Variants in PFKFB2 observed in about 807,000 individuals in gnomAD.
The protein encoded by PFKFB2 is 6-phosphofructo-2-kinase/fructose-2,6-bisphosphatase 2.
PFKFB2 carries 53 observed loss-of-function variants against 68.0 expected under a neutral mutation model. The ratio of observed to expected loss-of-function variants is 0.78; its 90% CI spans 0.63 to 0.98. PFKFB2 has a LOEUF of 0.98. Among genes scored for constraint, PFKFB2 ranks in the 50% least tolerant of loss-of-function variants. PFKFB2 has a pLI of 0.00. For synonymous variants in PFKFB2, 222 were observed against 227.6 expected (o/e 0.98, Z 0.22); for missense variants, 451 against 642.0 (o/e 0.70, Z 3.22).
intron 2 of PFKFB2, among the ~76,000 whole-genome samples, chr1:207,042,829 G>A (rs980750834): frequency 3.9e-5 from 6 of 152,040 alleles, no homozygotes; most frequent in African/African-American, 7.2e-5. Flanking sequence ...TGAGATTTTT[G>A]AATTGTCATT....
Position 207,077,565 on chromosome 1 carries a change from A to C in PFKFB2, c.*5194A>C. On this transcript the variant is annotated 3_prime_UTR_variant, in exon 15 of 15. Coordinates refer to ENST00000367080, the MANE Select transcript of PFKFB2 (RefSeq NM_006212.2). Reference sequence around the variant, plus strand: ...TGGGAAGGGGGATGGTGTGGGGCTGAGCACCTCTGGGTTGAATGGGAATGG... The same window carrying C: ...TGGGAAGGGGGATGGTGTGGGGCTGCGCACCTCTGGGTTGAATGGGAATGG... 1.0e-6 allele frequency: 1 copy of C among 985,808 alleles called. No homozygotes were observed. The highest frequency in any genetic ancestry group is 1.2e-6 in the Non-Finnish European group (1 of 829,932). 61.1% of individuals were successfully genotyped at this position (985,808 alleles called of 1,614,324 possible). A position where few individuals can be genotyped will look rare whatever the true frequency, so the allele number is the denominator to read the frequency against.
chr1:207,052,267 T>C, upstream of PFKFB2: 1 of 1,598,270 alleles, frequency 6.3e-7, no homozygotes, highest in Admixed American at 1.7e-5. Context: ...CAATTTTTTT[T>C]TGCTGGTGCA....
At chr1:207,062,818 G>A in intron 4 of PFKFB2, 102 bp downstream of exon 4, 1 of 1,193,842 alleles carries the variant, frequency 8.4e-7, no homozygotes. Flanking sequence ...TATCTTAAGG[G>A]GAAGTTAAAT....
Position 207,061,998 on chromosome 1 carries a change from T to C in PFKFB2, c.131T>C (p.Ile44Thr). The stretch of plus-strand genomic sequence containing the variant: ...AACTCCCCGACTCTGATCGTTATGA[T>C]TGGTTTGCCAGCCCGGGGTAAAACC... ...MTNSPTLIVM[I>T]GLPARGKTYV... Residue 44 changes from isoleucine to threonine, a missense_variant, in exon 3 of 15, where the codon ATT becomes ACT. Coordinates refer to ENST00000367080, the MANE Select transcript of PFKFB2 (RefSeq NM_006212.2). The C allele has an allele frequency of 6.2e-7, 1 of 1,614,236 alleles. No homozygotes were observed.
rs145001863 is a variant in PFKFB2 at position 207,074,514 on chromosome 1, T to A, written c.*2143T>A. 3.3e-5 allele frequency: 33 copies of A among 985,312 alleles called. No individual in the cohort carries two copies. Among genetic ancestry groups the A allele is most frequent in the Non-Finnish European group, 4.0e-5 (33 of 829,928 alleles). The allele number at this position is 985,312 out of a possible 1,614,324, so 61.0% of individuals were successfully genotyped here. A position where few individuals can be genotyped will look rare whatever the true frequency, so the allele number is the denominator to read the frequency against. On this transcript the variant is annotated 3_prime_UTR_variant, in exon 15 of 15. Coordinates refer to ENST00000367080, the MANE Select transcript of PFKFB2 (RefSeq NM_006212.2). ...GATAAAGGTTGTCATCACTGGCAAC[T>A]GACTCCTGACCCCGGGTCCTTTACT...
intron 1 of PFKFB2, among the ~76,000 whole-genome samples, chr1:207,036,959 C>G (rs1204316345): frequency 1.3e-5 from 2 of 152,120 alleles, no homozygotes; most frequent in Admixed American, 6.5e-5. Flanking sequence ...TATTATTTAC[C>G]CCACTATCTC....
At chr1:207,034,516 A>C (rs1024831596) in intron 1 of PFKFB2, 24 of 152,216 alleles carry the variant, frequency 1.6e-4, no homozygotes, top group Non-Finnish European at 3.1e-4. Context: ...TTGACTTATG[A>C]GAATTAACTT....
At chr1:207,040,243 C>T (rs1272965749) in intron 1 of PFKFB2, among the ~76,000 whole-genome samples, 1 of 152,216 alleles carries the variant, frequency 6.6e-6, no homozygotes, top group Non-Finnish European at 1.5e-5. Context: ...CTCCAAACAA[C>T]TCCAGATTAA....
In PFKFB2 at chr1:207,072,868, A is replaced by G. The variant is rs1251959940; in HGVS notation, c.*497A>G. On this transcript the variant is annotated 3_prime_UTR_variant, in exon 15 of 15. Coordinates refer to ENST00000367080, the MANE Select transcript of PFKFB2 (RefSeq NM_006212.2). ...TTGACTGCTTTCTTCCCCCACTTTC[A>G]TGTCCCCTCTGGATTGTCCAGTGTA... 4.0e-6 allele frequency: 4 copies of G among 989,618 alleles called. No individual in the cohort carries two copies. In the South Asian group the frequency reaches 1.4e-4, roughly 34 times the overall value. 61.3% of individuals were successfully genotyped at this position (989,618 alleles called of 1,614,324 possible). A position where few individuals can be genotyped will look rare whatever the true frequency, so the allele number is the denominator to read the frequency against.
intron 9 of PFKFB2, 110 bp from the exon 10 acceptor site, chr1:207,068,053 C>T: frequency 4.2e-6 from 4 of 961,622 alleles, no homozygotes; most frequent in Non-Finnish European, 4.7e-6. Context: ...GCACGTTGTC[C>T]CTTACAGACC....
chr1:207,075,559 A>T lies in PFKFB2; in HGVS notation c.*3188A>T. ...CACAAGTCCTACAAAATAAAAATGG[A>T]CTTAAAAGTACTCTCTGCTGAGGCT... On this transcript the variant is annotated 3_prime_UTR_variant, in exon 15 of 15. Coordinates refer to ENST00000367080, the MANE Select transcript of PFKFB2 (RefSeq NM_006212.2). 14 of 985,302 alleles carry T rather than the reference A, an allele frequency of 1.4e-5. No homozygotes were observed. Among genetic ancestry groups the T allele is most frequent in the Non-Finnish European group, 1.7e-5 (14 of 829,802 alleles). 61.0% of individuals were successfully genotyped at this position (985,302 alleles called of 1,614,324 possible).
Position 207,074,111 on chromosome 1 carries a change from C to A in PFKFB2, c.*1740C>A. 1.1e-6 allele frequency: 1 copy of A among 903,062 alleles called. No individual in the cohort carries two copies. The highest frequency in any genetic ancestry group is 1.3e-6 in the Non-Finnish European group (1 of 760,182). 55.9% of individuals were successfully genotyped at this position (903,062 alleles called of 1,614,324 possible). A position where few individuals can be genotyped will look rare whatever the true frequency, so the allele number is the denominator to read the frequency against. On this transcript the variant is annotated 3_prime_UTR_variant, in exon 15 of 15. Coordinates refer to ENST00000367080, the MANE Select transcript of PFKFB2 (RefSeq NM_006212.2). Reference sequence around the variant, plus strand: ...AGAATCTCTGGGATCTGGGTCTGGACATGCATGTATTTAAGTAGCTTCCCG... The same window carrying A: ...AGAATCTCTGGGATCTGGGTCTGGAAATGCATGTATTTAAGTAGCTTCCCG...
upstream of PFKFB2, chr1:207,052,953 C>G (rs534945304): frequency 6.6e-6 from 1 of 152,310 alleles, no homozygotes; most frequent in African/African-American, 2.4e-5. Flanking sequence ...CCGGCACACC[C>G]GCTCTCAAGA....
At chr1:207,053,642 G>A (rs909947517) in intron 1 of PFKFB2, among the ~76,000 whole-genome samples, 2 of 152,148 alleles carry the variant, frequency 1.3e-5, no homozygotes, top group Non-Finnish European at 2.9e-5. Context: ...TCCCACTCCA[G>A]TTTGAATCAG....
chr1:207,078,135 G>T (rs888236646), downstream of PFKFB2, among the ~76,000 whole-genome samples: 1 of 152,212 alleles, frequency 6.6e-6, no homozygotes, highest in African/African-American at 2.4e-5. Context: ...CTCATATTAT[G>T]TATTATAAAG....
At chr1:207,039,489 A>G (rs917172132) in intron 1 of PFKFB2, among the ~76,000 whole-genome samples, 2 of 152,234 alleles carry the variant, frequency 1.3e-5, no homozygotes, top group African/African-American at 4.8e-5. Flanking sequence ...TGTTAGAAAA[A>G]TATTTATGGT....
chr1:207,078,048 T>C (rs1558069730), downstream of PFKFB2, among the ~76,000 whole-genome samples: 1 of 152,246 alleles, frequency 6.6e-6, no homozygotes, highest in Admixed American at 6.5e-5. Context: ...TGTGTGTTCC[T>C]GTTGGCACTT....
intron 2 of PFKFB2, among the ~76,000 whole-genome samples, chr1:207,060,353 TA>T (rs1409353398): frequency 3.9e-5 from 6 of 152,206 alleles, no homozygotes; most frequent in Non-Finnish European, 8.8e-5. Context: ...GTTAATTTAC[TA>T]AGGAAGGGTA....
chr1:207,062,199 C>A (rs762931954), intron 3 of PFKFB2, 121 bp downstream of exon 3: 12 of 1,321,838 alleles, frequency 9.1e-6, no homozygotes, highest in African/African-American at 1.5e-5. Flanking sequence ...ATAGCAGTTG[C>A]TTTCTGGTTT....
Sources: gnomAD v4.1 joint callset for allele counts (sites outside exome capture counted in the v4.1 genomes callset) on GRCh38, gnomAD v4.1.1 for gene constraint, MANE v1.5 for transcripts, NCBI Gene and HGNC (gene_info 2026-07-23, HGNC 2026-07-21) for gene names.